The following JARID2 variants were observed in gnomAD, a reference collection of about 807,000 sequenced individuals.
JARID2 encodes the protein protein Jumonji.
A neutral mutation model predicts 125.6 loss-of-function variants in JARID2; 21 were observed. That is an observed-to-expected ratio of 0.17 (90% confidence interval 0.12 to 0.24). The LOEUF is 0.24. Among genes scored for constraint, JARID2 ranks in the 10% least tolerant of loss-of-function variants. The pLI is 1.00. For synonymous variants in JARID2, 736 were observed against 661.6 expected, an observed-to-expected ratio of 1.11 and a Z score of -1.73; for missense variants, 1,303 against 1,639.6, an observed-to-expected ratio of 0.79 and a Z score of 3.55.
intron 1 of JARID2, among the ~76,000 whole-genome samples, chr6:15,261,612 G>A (rs1377357290): frequency 1.3e-5 from 2 of 151,986 alleles, no homozygotes; most frequent in African/African-American, 2.4e-5. Flanking sequence ...GAGCCACCCC[G>A]CCCGGCCTGG....
At chr6:15,362,166 A>T (rs1241118377) in intron 1 of JARID2, among the ~76,000 whole-genome samples, 2 of 151,750 alleles carry the variant, frequency 1.3e-5, no homozygotes, top group African/African-American at 4.9e-5. Context: ...GGAATTACAG[A>T]CATGAGCTGC....
At chr6:15,341,089 C>T (rs1290476750) in intron 1 of JARID2, among the ~76,000 whole-genome samples, 1 of 152,102 alleles carries the variant, frequency 6.6e-6, no homozygotes, top group Non-Finnish European at 1.5e-5. Context: ...TCCTTCCTGC[C>T]CATGTGATGT....
At chr6:15,367,918 GTC>G (rs1764035251) in intron 1 of JARID2, among the ~76,000 whole-genome samples, 1 of 152,106 alleles carries the variant, frequency 6.6e-6, no homozygotes, top group African/African-American at 2.4e-5. Context: ...TGACCTGGAT[GTC>G]TCTGTTTTCT....
At chr6:15,382,180 T>C (rs1764615624) in intron 2 of JARID2, among the ~76,000 whole-genome samples, 1 of 152,312 alleles carries the variant, frequency 6.6e-6, no homozygotes, top group South Asian at 2.1e-4. Context: ...GGAGAATTGC[T>C]GGAACCCAGG....
At position 15,246,205 on chromosome 6, in the gene JARID2, T is replaced by C. The variant is rs1232901337; in HGVS notation, c.-335T>C. ...GGACCTTCACGTTTCGCTGATGTAG[T>C]TTTTGGAGGAAAAAGGGGGGGGAGT... On this transcript the variant is annotated 5_prime_UTR_variant, in exon 1 of 18. Transcript: ENST00000341776. The C allele has an allele frequency of 1.1e-5, 5 of 471,550 alleles. No homozygotes were observed. Among genetic ancestry groups the C allele is most frequent in the Non-Finnish European group, 1.9e-5 (5 of 269,670 alleles). 29.2% of individuals were successfully genotyped at this position (471,550 alleles called of 1,614,324 possible).
At chr6:15,479,855 C>G (rs1485193161) in intron 5 of JARID2, among the ~76,000 whole-genome samples, 1 of 152,192 alleles carries the variant, frequency 6.6e-6, no homozygotes, top group African/African-American at 2.4e-5. Context: ...CCAGGGCAAA[C>G]CGGGTTACAG....
chr6:15,295,051 G>A (rs913530588), intron 1 of JARID2, among the ~76,000 whole-genome samples: 36 of 151,904 alleles, frequency 2.4e-4, no homozygotes, highest in African/African-American at 8.7e-4. Context: ...TCTTTGCCTG[G>A]TATAGAACCA....
intron 1 of JARID2, among the ~76,000 whole-genome samples, chr6:15,324,050 C>T (rs1327396239): frequency 3.3e-5 from 5 of 150,580 alleles, no homozygotes; most frequent in East Asian, 2.0e-4. Flanking sequence ...GGCGTGGTGG[C>T]GGGCGCCTGT....
intron 1 of JARID2, among the ~76,000 whole-genome samples, chr6:15,351,363 G>A (rs1763423074): frequency 6.6e-6 from 1 of 152,164 alleles, no homozygotes; most frequent in Non-Finnish European, 1.5e-5. Context: ...CCCACCAATA[G>A]CTACCAGGTA....
At position 15,487,359 on chromosome 6, in the gene JARID2, C is replaced by T; in HGVS notation, c.723C>T (p.His241=). Residue 241 remains histidine, a synonymous_variant, in exon 6 of 18, where the codon CAC becomes CAT. Coordinates refer to ENST00000341776, the MANE Select transcript of JARID2 (RefSeq NM_004973.4). ...STREKEPVQK[H]KSKEATPAKE... is the part of the protein sequence containing the mutation. ...GGGAGAAGGAACCTGTTCAAAAACA[C>T]AAAAGCAAAGAGGCCACTCCCGCAA... is the stretch of plus-strand genomic sequence containing the variant. 6.2e-7 allele frequency: 1 copy of T among 1,614,194 alleles called. No individual in the cohort carries two copies. The highest frequency in any genetic ancestry group is 8.5e-7 in the Non-Finnish European group (1 of 1,180,032).
intron 15 of JARID2, 30 bp downstream of exon 15, chr6:15,513,075 A>T: frequency 1.2e-6 from 2 of 1,613,348 alleles, no homozygotes; most frequent in Non-Finnish European, 1.7e-6. Context: ...CACGCCAGAG[A>T]GCTGGACCCG....
At chr6:15,483,902 T>A (rs1487688681) in intron 5 of JARID2, among the ~76,000 whole-genome samples, 1 of 152,224 alleles carries the variant, frequency 6.6e-6, no homozygotes, top group Non-Finnish European at 1.5e-5. Flanking sequence ...TTGCAATCAG[T>A]CATCATTATC....
At chr6:15,500,445 A>G (rs964262410) in intron 7 of JARID2, among the ~76,000 whole-genome samples, 6 of 152,162 alleles carry the variant, frequency 3.9e-5, no homozygotes, top group African/African-American at 1.4e-4. Flanking sequence ...GTTGGTAACA[A>G]GCATGTGTCA....
chr6:15,346,950 G>A (rs891582053), intron 1 of JARID2, among the ~76,000 whole-genome samples: 1 of 152,036 alleles, frequency 6.6e-6, no homozygotes, highest in Non-Finnish European at 1.5e-5. Context: ...TGGCTAGGCT[G>A]CTCTCGAACT....
At chr6:15,346,240 T>C (rs1337031943) in intron 1 of JARID2, among the ~76,000 whole-genome samples, 1 of 152,082 alleles carries the variant, frequency 6.6e-6, no homozygotes, top group Admixed American at 6.6e-5. Flanking sequence ...ATTAGGAGAG[T>C]AATTCATTTT....
At position 15,360,797 on chromosome 6, in the gene JARID2, G is replaced by A. The variant is rs56909295; in HGVS notation, c.46-13320G>A. On this transcript the variant is annotated intron_variant, in intron 1 of 17. Transcript: ENST00000341776. ...GAGAATTACAGACATGAGCCACTGC[G>A]CCCAACCTAGTCTTTCTTTTTTAAA... Among the ~76,000 whole-genome samples the A allele has an allele frequency of 4.1e-4, 63 of 152,178 alleles. No individual in the cohort carries two copies. The East Asian group carries it at 8.1e-3, about 20-fold the overall frequency.
chr6:15,409,720 G>T (rs1490501630), intron 2 of JARID2, among the ~76,000 whole-genome samples: 2 of 152,192 alleles, frequency 1.3e-5, no homozygotes, highest in Non-Finnish European at 2.9e-5. Context: ...AGATGGCTAT[G>T]AAGAAAAACA....
At chr6:15,469,904 C>T (rs184164950) in intron 5 of JARID2, among the ~76,000 whole-genome samples, 3 of 152,156 alleles carry the variant, frequency 2.0e-5, no homozygotes, top group East Asian at 3.9e-4. Context: ...AGAGGCTGGG[C>T]GAGGTGGCTC....
At chr6:15,454,164 C>G (rs1768046469) in intron 4 of JARID2, among the ~76,000 whole-genome samples, 1 of 152,124 alleles carries the variant, frequency 6.6e-6, no homozygotes. Context: ...GTGTAATCCA[C>G]CTCCCATCTC....
Sources: allele counts gnomAD v4.1 joint callset (sites outside exome capture counted in the v4.1 genomes callset), GRCh38; gene constraint gnomAD v4.1.1; transcripts MANE v1.5; gene names NCBI Gene and HGNC (gene_info 2026-07-23, HGNC 2026-07-21).